Variants in UBE4B observed in about 807,000 individuals in gnomAD.
UBE4B encodes the protein ubiquitination factor E4B.
In UBE4B, 27 loss-of-function variants were observed where a neutral mutation model predicts 148.1. The ratio of observed to expected loss-of-function variants is 0.18; its 90% CI spans 0.13 to 0.25. The LOEUF is 0.25. Ranked by LOEUF, UBE4B falls within the 10% of genes least tolerant of loss-of-function variation. The probability of loss-of-function intolerance (pLI) is 1.00; values close to 1 mark genes in which losing one functional copy is unlikely to be tolerated. For synonymous variants in UBE4B, 596 were observed against 619.3 expected, an observed-to-expected ratio of 0.96 and a Z score of 0.56; for missense variants, 1,170 against 1,662.4, an observed-to-expected ratio of 0.70 and a Z score of 5.15.
intron 1 of UBE4B, among the ~76,000 whole-genome samples, chr1:10,041,578 C>G (rs960338157): frequency 2.1e-4 from 32 of 150,916 alleles, no homozygotes; most frequent in South Asian, 6.3e-4. Flanking sequence ...CAGGCGATCC[C>G]CCCGCCTCGG....
chr1:10,090,168 G>A (rs549465497), intron 2 of UBE4B, among the ~76,000 whole-genome samples: 2 of 151,838 alleles, frequency 1.3e-5, no homozygotes, highest in East Asian at 1.9e-4. Flanking sequence ...TGCCCAGGCC[G>A]AAGTGCAGAG....
At chr1:10,079,971 G>T (rs775798148) in intron 2 of UBE4B, among the ~76,000 whole-genome samples, 1 of 152,146 alleles carries the variant, frequency 6.6e-6, no homozygotes, top group Non-Finnish European at 1.5e-5. Flanking sequence ...GCCTCCAGGG[G>T]CTCACTGTTT....
At position 10,161,089 on chromosome 1, in the gene UBE4B, G is replaced by A; in HGVS notation, c.3054-53G>A. ...TGCTTGTTCCCTGGGATTTGCTGTG[G>A]CATTTTGCTTCAGGGAGATGTATGA... On this transcript the variant is annotated intron_variant, in intron 22 of 27. Transcript: ENST00000343090. This position sits in a 1 kb window ranked among gnomAD's most constrained non-coding sequence, Gnocchi z 4.1. The A allele has an allele frequency of 1.9e-6, 3 of 1,588,542 alleles. No individual in the cohort carries two copies. The highest frequency in any genetic ancestry group is 2.6e-6 in the Non-Finnish European group (3 of 1,162,868).
At chr1:10,100,641 G>A (rs1288362790) in intron 3 of UBE4B, among the ~76,000 whole-genome samples, 1 of 152,210 alleles carries the variant, frequency 6.6e-6, no homozygotes, top group Non-Finnish European at 1.5e-5. Context: ...CGCAACCTCT[G>A]TGTCCTGAGT....
intron 8 of UBE4B, 127 bp downstream of exon 8, chr1:10,117,727 G>A (rs1645335988): frequency 8.3e-7 from 1 of 1,198,810 alleles, no homozygotes. Flanking sequence ...CATGTGCCAG[G>A]CACAATACTA....
intron 2 of UBE4B, among the ~76,000 whole-genome samples, chr1:10,083,628 A>G (rs1557538421): frequency 6.6e-6 from 1 of 152,138 alleles, no homozygotes; most frequent in Non-Finnish European, 1.5e-5. Context: ...GTGGTTAAGC[A>G]GCTGGCTAGA....
At chr1:10,158,735 G>A (rs535065403) in intron 22 of UBE4B, among the ~76,000 whole-genome samples, 8 of 152,294 alleles carry the variant, frequency 5.3e-5, no homozygotes, top group Non-Finnish European at 7.4e-5. Context: ...AGGGCAGGGC[G>A]TGGTGGCTCA....
intron 5 of UBE4B, among the ~76,000 whole-genome samples, chr1:10,104,755 A>G (rs1645078478): frequency 6.6e-6 from 1 of 152,232 alleles, no homozygotes; most frequent in South Asian, 2.1e-4. Flanking sequence ...GCAATTTTAA[A>G]TAACCAAATC....
chr1:10,105,445 G>T (rs964100017), intron 5 of UBE4B, 71 bp from the exon 6 acceptor site: 3 of 1,376,358 alleles, frequency 2.2e-6, no homozygotes, highest in Admixed American at 1.7e-5. Flanking sequence ...GGGTCAGCTG[G>T]CTTATTCAAG....
chr1:10,117,372 C>CTGTAGTGTAGTGTAGTGTAGTCAGGCA, intron 7 of UBE4B, 87 bp from the exon 8 acceptor site: 1 of 1,571,510 alleles, frequency 6.4e-7, no homozygotes, highest in Non-Finnish European at 8.7e-7. Context: ...TACAGGGATC[C>CTGTAGTGTAGTGTAGTGTAGTCAGGCA]TAACAGGCTT....
Position 10,171,550 on chromosome 1 carries a change from C to G in UBE4B, c.3525+221C>G, listed in dbSNP as rs1340198041. ...TGCTTGAGGCCAGACTGCAGTGAGC[C>G]GTGATTGCACCACCACACTCCAGAA... On this transcript the variant is annotated intron_variant, in intron 25 of 27. Coordinates refer to ENST00000343090, the MANE Select transcript of UBE4B (RefSeq NM_001105562.3). Among the ~76,000 whole-genome samples the G allele has an allele frequency of 2.0e-5, 3 of 152,166 alleles. No homozygotes were observed. In the South Asian group the frequency reaches 6.2e-4, roughly 32 times the overall value.
intron 1 of UBE4B, among the ~76,000 whole-genome samples, chr1:10,055,414 C>T (rs534353723): frequency 3.3e-5 from 5 of 152,044 alleles, no homozygotes; most frequent in East Asian, 1.9e-4. Flanking sequence ...TCCTGGGCTC[C>T]GGTGATCCTC....
At chr1:10,079,387 T>G (rs1200578342) in intron 2 of UBE4B, among the ~76,000 whole-genome samples, 1 of 152,172 alleles carries the variant, frequency 6.6e-6, no homozygotes, top group Non-Finnish European at 1.5e-5. Context: ...CTTGAACTTC[T>G]GACCTCAAGT....
chr1:10,075,996 A>G (rs1644573159), intron 2 of UBE4B, among the ~76,000 whole-genome samples: 1 of 152,142 alleles, frequency 6.6e-6, no homozygotes, highest in South Asian at 2.1e-4. Flanking sequence ...GTGAGCTGTG[A>G]TCACACCACT....
At chr1:10,077,103 AC>A (rs1430381228) in intron 2 of UBE4B, among the ~76,000 whole-genome samples, 2 of 152,054 alleles carry the variant, frequency 1.3e-5, no homozygotes, top group Non-Finnish European at 2.9e-5. Context: ...TGCTGTAACA[AC>A]CTATCAAAAA....
At chr1:10,135,292 GAT>G in intron 16 of UBE4B, 106 bp downstream of exon 16, 1 of 1,160,798 alleles carries the variant, frequency 8.6e-7, no homozygotes, top group East Asian at 2.6e-5. Flanking sequence ...GAACTTAAGA[GAT>G]AGAGAAACAT....
intron 18 of UBE4B, among the ~76,000 whole-genome samples, chr1:10,146,152 T>G (rs948681404): frequency 4.6e-5 from 7 of 152,236 alleles, no homozygotes; most frequent in Admixed American, 1.3e-4. Context: ...TTCAAGGGGA[T>G]CTATAAACTG....
chr1:10,106,309 A>G lies in UBE4B; in HGVS notation c.922A>G (p.Thr308Ala), dbSNP rs1275368127. ...AGCCAGCCAGTTGGCTGTGCCTTCC[A>G]CTCCCCTCAGTCCTCACAGTGCAGC... is the stretch of plus-strand genomic sequence containing the variant. ...RAASQLAVPS[T>A]PLSPHSAASG... is the part of the protein sequence containing the mutation. Residue 308 changes from threonine to alanine, a missense_variant, in exon 7 of 28, where the codon ACT becomes GCT. Thr to Ala is a moderately conservative substitution (Grantham distance 58). This residue lies in a region of UBE4B where 214 missense variants were observed against 209.1 expected (regional missense o/e 1.02). Transcript: ENST00000343090. The surrounding 1 kb of genome is among the most constrained non-coding windows in gnomAD (Gnocchi z 4.2). The G allele has an allele frequency of 1.2e-6, 2 of 1,612,604 alleles. No homozygotes were observed. The highest frequency in any genetic ancestry group is 4.5e-5 in the East Asian group (2 of 44,836).
intron 2 of UBE4B, among the ~76,000 whole-genome samples, chr1:10,091,501 G>A (rs1311977287): frequency 6.6e-6 from 1 of 152,106 alleles, no homozygotes; most frequent in African/African-American, 2.4e-5. Context: ...CTGGAGTGCA[G>A]TGGTATGATT....
Sources: gnomAD v4.1 joint callset for allele counts (sites outside exome capture counted in the v4.1 genomes callset) on GRCh38, gnomAD v4.1.1 for gene constraint, gnomAD v4.1.1 regional missense constraint, Gnocchi (gnomAD v3.1) non-coding constraint, MANE v1.5 for transcripts, NCBI Gene and HGNC (gene_info 2026-07-23, HGNC 2026-07-21) for gene names.